RARB: variants seen among roughly 807,000 people sequenced by gnomAD.
The protein encoded by RARB is HBV-activated protein.
Under a neutral mutation model 51.9 loss-of-function variants are expected in RARB, and 17 were observed. That is an observed-to-expected ratio of 0.33 (90% CI 0.22 to 0.49). The LOEUF (loss-of-function observed/expected upper bound fraction) is 0.49, where lower values mean the gene tolerates loss of function less well. RARB is among the 20% of genes least tolerant of loss of function. RARB has a pLI of 0.99. For missense variants in RARB, 369 were observed against 550.8 expected (o/e 0.67, Z 3.30); for synonymous variants, 215 against 195.4 (o/e 1.10, Z -0.84).
chr3:24,906,122 C>A (rs1694858390), intron 2 of RARB, among the ~76,000 whole-genome samples: 1 of 152,118 alleles, frequency 6.6e-6, no homozygotes, highest in Non-Finnish European at 1.5e-5. Context: ...AGCATGAGGA[C>A]CTAGGCTAGG....
chr3:25,233,514 C>A (rs1702231688), intron 5 of RARB, among the ~76,000 whole-genome samples: 2 of 152,084 alleles, frequency 1.3e-5, no homozygotes, highest in African/African-American at 4.8e-5. Flanking sequence ...TTCTTCCCTT[C>A]TAATCTGTAT....
At chr3:25,078,646 C>G (rs1016646504) in intron 3 of RARB, among the ~76,000 whole-genome samples, 6 of 151,918 alleles carry the variant, frequency 3.9e-5, no homozygotes, top group Admixed American at 3.9e-4. Flanking sequence ...AAGCGATTCT[C>G]CTGCCTCACC....
intron 5 of RARB, among the ~76,000 whole-genome samples, chr3:25,262,282 A>G (rs1302220120): frequency 6.6e-6 from 1 of 152,080 alleles, no homozygotes; most frequent in Non-Finnish European, 1.5e-5. Flanking sequence ...ACGTTCAGCC[A>G]TGATCCCTCC....
intron 5 of RARB, among the ~76,000 whole-genome samples, chr3:25,198,678 A>G (rs376356407): frequency 6.6e-6 from 1 of 152,120 alleles, no homozygotes; most frequent in Non-Finnish European, 1.5e-5. Context: ...GCGAACAGGT[A>G]TATGGAAAGG....
chr3:25,437,299 A>C (rs1191665907), intron 1 of RARB, among the ~76,000 whole-genome samples: 1 of 152,096 alleles, frequency 6.6e-6, no homozygotes, highest in Non-Finnish European at 1.5e-5. Flanking sequence ...ATTGACTTTT[A>C]CAAGTGAGCA....
chr3:25,575,321 AG>A (rs993032564), intron 4 of RARB, among the ~76,000 whole-genome samples: 6 of 152,160 alleles, frequency 3.9e-5, no homozygotes, highest in Admixed American at 3.9e-4. Context: ...TCCACGACCC[AG>A]GGCTTGGGGA....
intron 2 of RARB, among the ~76,000 whole-genome samples, chr3:25,021,773 T>A (rs1393036813): frequency 6.6e-6 from 1 of 152,114 alleles, no homozygotes. Flanking sequence ...AGAAACAGTG[T>A]TGGCCAGAAA....
At chr3:24,991,621 A>AT (rs1340798369) in intron 2 of RARB, among the ~76,000 whole-genome samples, 1 of 152,122 alleles carries the variant, frequency 6.6e-6, no homozygotes, top group Non-Finnish European at 1.5e-5. Flanking sequence ...AGAAGATTTT[A>AT]TATTTCACAA....
chr3:25,219,719 A>G (rs953415233), intron 5 of RARB, among the ~76,000 whole-genome samples: 2 of 152,196 alleles, frequency 1.3e-5, no homozygotes, highest in South Asian at 4.1e-4. Context: ...GAGTTGGATC[A>G]TGAACCACAA....
intron 5 of RARB, among the ~76,000 whole-genome samples, chr3:25,322,781 G>A (rs1229056913): frequency 1.3e-5 from 2 of 152,128 alleles, no homozygotes; most frequent in East Asian, 3.8e-4. Context: ...CCGATCCTCT[G>A]ACAAGAGCAC....
At chr3:24,926,317 C>A (rs867390682) in intron 2 of RARB, among the ~76,000 whole-genome samples, 1 of 117,216 alleles carries the variant, frequency 8.5e-6, no homozygotes, top group African/African-American at 2.8e-5. Flanking sequence ...ATATAGGGTA[C>A]CCTGTGAAAA....
intron 5 of RARB, among the ~76,000 whole-genome samples, chr3:25,276,660 T>C (rs569792678): frequency 5.3e-5 from 8 of 152,188 alleles, no homozygotes; most frequent in Non-Finnish European, 7.3e-5. Context: ...AGAGTGATTA[T>C]AGACATAATG....
At chr3:25,066,223 A>G (rs6808355) in intron 3 of RARB, among the ~76,000 whole-genome samples, 20,710 of 149,442 alleles carry the variant, frequency 0.14, 1,586 homozygotes, top group South Asian at 0.21. Flanking sequence ...AATTTCTCCA[A>G]TGTAATATTC....
chr3:25,529,980 T>C (rs1698827402), intron 3 of RARB, among the ~76,000 whole-genome samples: 1 of 152,214 alleles, frequency 6.6e-6, no homozygotes, highest in Non-Finnish European at 1.5e-5. Context: ...TTGCCCTTCA[T>C]GTCCTGGCCC....
chr3:25,048,389 A>T (rs1698258542), intron 2 of RARB, among the ~76,000 whole-genome samples: 1 of 152,188 alleles, frequency 6.6e-6, no homozygotes, highest in Non-Finnish European at 1.5e-5. Context: ...CCAATATATG[A>T]TATCTTAATT....
intron 2 of RARB, among the ~76,000 whole-genome samples, chr3:24,955,023 G>A (rs1191150807): frequency 6.6e-6 from 1 of 152,182 alleles, no homozygotes; most frequent in Non-Finnish European, 1.5e-5. Flanking sequence ...AGTCAGGGTG[G>A]CAGCCTTTTA....
chr3:25,059,985 T>A (rs757974580), intron 2 of RARB: 6 of 151,732 alleles, frequency 4.0e-5, no homozygotes, highest in Non-Finnish European at 8.9e-5. Context: ...AGTTGTGGGA[T>A]CCCTGGCAAG....
At chr3:24,847,217 G>C (rs1434039315) in intron 1 of RARB, among the ~76,000 whole-genome samples, 2 of 152,176 alleles carry the variant, frequency 1.3e-5, no homozygotes, top group East Asian at 1.9e-4. Flanking sequence ...CATAGCTAAA[G>C]TCTGAGAACC....
At chr3:25,029,221 C>T (rs774586007) in intron 2 of RARB, among the ~76,000 whole-genome samples, 5 of 152,200 alleles carry the variant, frequency 3.3e-5, no homozygotes, top group Non-Finnish European at 7.3e-5. Context: ...GAAAAGACTT[C>T]ACACTCAAAC....
Sources: gnomAD v4.1 joint callset for allele counts (sites outside exome capture counted in the v4.1 genomes callset) on GRCh38, gnomAD v4.1.1 for gene constraint, MANE v1.5 for transcripts, NCBI Gene and HGNC (gene_info 2026-07-23, HGNC 2026-07-21) for gene names.